FBXO21: variants seen among roughly 807,000 people sequenced by gnomAD.
The protein encoded by FBXO21 is F-box protein 21, also known as F-box only protein 21.
In FBXO21, 32 loss-of-function variants were observed where a neutral mutation model predicts 76.6. The observed-to-expected ratio is 0.42, with a 90% CI of 0.32 to 0.56. The LOEUF (loss-of-function observed/expected upper bound fraction) is 0.56, where lower values mean the gene tolerates loss of function less well. FBXO21 is among the 20% of genes least tolerant of loss of function. The pLI is 0.16. For synonymous variants in FBXO21, 328 were observed against 311.5 expected (o/e 1.05, Z -0.56); for missense variants, 586 against 797.3 (o/e 0.73, Z 3.19).
intron 11 of FBXO21, among the ~76,000 whole-genome samples, chr12:117,146,680 T>C (rs2135840485): frequency 6.6e-6 from 1 of 152,300 alleles, no homozygotes; most frequent in African/African-American, 2.4e-5. Flanking sequence ...CCATGTCACA[T>C]GGTGACAAGT....
At chr12:117,152,025 G>T (rs1011378811) in intron 11 of FBXO21, among the ~76,000 whole-genome samples, 4 of 150,988 alleles carry the variant, frequency 2.6e-5, no homozygotes, top group Non-Finnish European at 5.9e-5. Context: ...CCCCTGATGA[G>T]ACCCAGTGGG....
chr12:117,145,807 A>G lies in FBXO21; in HGVS notation c.*280T>C, dbSNP rs1275471482. 2 of 277,232 alleles carry G rather than the reference A, an allele frequency of 7.2e-6. No homozygotes were observed. Among genetic ancestry groups the G allele is most frequent in the East Asian group, 6.7e-5 (1 of 14,888 alleles). 17.2% of individuals were successfully genotyped at this position (277,232 alleles called of 1,614,324 possible). On this transcript the variant is annotated 3_prime_UTR_variant, in exon 12 of 12. Transcript: ENST00000622495. ...GTCGACTGTGAGACCTCATGAAGAC[A>G]GAATGTCACAAACTGTCACCACAGG...
chr12:117,185,304 T>TAC (rs1163861619), intron 3 of FBXO21, among the ~76,000 whole-genome samples: 4 of 152,176 alleles, frequency 2.6e-5, no homozygotes, highest in Non-Finnish European at 5.9e-5. Context: ...TGACACATCT[T>TAC]ACCTCTACCC....
chr12:117,181,507 G>C (rs552202279), intron 3 of FBXO21, among the ~76,000 whole-genome samples: 13 of 152,108 alleles, frequency 8.5e-5, no homozygotes, highest in Middle Eastern at 3.4e-3. Flanking sequence ...ACTTTTCTCA[G>C]GTACAATGTA....
At chr12:117,154,869 T>C (rs1955892109) in intron 11 of FBXO21, among the ~76,000 whole-genome samples, 1 of 152,184 alleles carries the variant, frequency 6.6e-6, no homozygotes, top group South Asian at 2.1e-4. Flanking sequence ...CATGAGCAGG[T>C]ACAGCATGAT....
chr12:117,145,055 T>C lies in FBXO21; in HGVS notation c.*1032A>G, dbSNP rs995536284. The C allele has an allele frequency of 6.9e-6, 1 of 145,006 alleles. No homozygotes were observed. The highest frequency in any genetic ancestry group is 1.5e-5 in the Non-Finnish European group (1 of 66,478). The allele number at this position is 145,006 out of a possible 1,614,324, so 9.0% of individuals were successfully genotyped here. ...ACAAGAGGTGTGAAACCACTTTTTT[T>C]CCCTTCAAAACCTTTTTTTTTTTTT... On this transcript the variant is annotated 3_prime_UTR_variant, in exon 12 of 12. Transcript: ENST00000622495.
Position 117,168,649 on chromosome 12 carries a change from G to C in FBXO21, c.1014-1572C>G, listed in dbSNP as rs146939335. On this transcript the variant is annotated intron_variant, in intron 7 of 11. Transcript: ENST00000622495. ...TTTTATGAGGCTAGAACTTCCTAAG[G>C]ACAAATGTACAAAAATTTCTAGGCC... 1.9e-4 allele frequency among the ~76,000 whole-genome samples: 29 copies of C among 152,156 alleles called. No individual in the cohort carries two copies. The East Asian group carries it at 5.4e-3, about 28-fold the overall frequency.
Position 117,177,629 on chromosome 12 carries a change from G to A in FBXO21, c.483C>T (p.Thr161=). 1 of 1,611,856 alleles carries A rather than the reference G, an allele frequency of 6.2e-7. No homozygotes were observed. The highest frequency in any genetic ancestry group is 8.5e-7 in the Non-Finnish European group (1 of 1,179,366). The change falls in exon 4 of 12, where the codon ACC becomes ACT. Residue 161 remains threonine (T), a synonymous_variant. Transcript: ENST00000622495. ...GAATTTTTTTTGCGTAGTATTTCCA[G>A]GTCAAAGCTTTTCTGGAAACAAAAA... The part of the protein sequence containing the change: ...ILNMEGRKAL[T]WKYYAKKILY...
chr12:117,190,111 T>G, intron 1 of FBXO21, 107 bp downstream of exon 1: 1 of 458,292 alleles, frequency 2.2e-6, no homozygotes, highest in Non-Finnish European at 2.9e-6. Context: ...GGGTCCGGGG[T>G]GGGGTCCGCG....
chr12:117,178,142 T>A (rs1174318408), intron 3 of FBXO21, among the ~76,000 whole-genome samples: 1 of 152,152 alleles, frequency 6.6e-6, no homozygotes, highest in Non-Finnish European at 1.5e-5. Flanking sequence ...AGCACTTTCA[T>A]CTTTCTTCCC....
At chr12:117,182,407 CT>C (rs1330974903) in intron 3 of FBXO21, among the ~76,000 whole-genome samples, 1 of 151,776 alleles carries the variant, frequency 6.6e-6, no homozygotes, top group African/African-American at 2.4e-5. Context: ...AGAGGATCCC[CT>C]GAACACAGGA....
At chr12:117,189,009 C>T in intron 2 of FBXO21, 3 of 583,802 alleles carry the variant, frequency 5.1e-6, no homozygotes, top group Non-Finnish European at 9.1e-6. Flanking sequence ...CCCACTCTCT[C>T]TCTGGCTTTA....
chr12:117,163,834 C>T (rs1011078578), intron 9 of FBXO21, among the ~76,000 whole-genome samples: 1 of 152,076 alleles, frequency 6.6e-6, no homozygotes, highest in Non-Finnish European at 1.5e-5. Context: ...GTCCCAGCTA[C>T]TCGGTAGGCT....
intron 3 of FBXO21, among the ~76,000 whole-genome samples, chr12:117,177,936 G>T (rs1956190929): frequency 6.6e-6 from 1 of 152,326 alleles, no homozygotes; most frequent in Middle Eastern, 3.4e-3. Context: ...AGGTTCAGAA[G>T]ATGGGGAGGC....
intron 7 of FBXO21, among the ~76,000 whole-genome samples, chr12:117,170,669 T>C (rs1956108894): frequency 6.6e-6 from 1 of 152,182 alleles, no homozygotes; most frequent in Non-Finnish European, 1.5e-5. Flanking sequence ...GGTATTAAAT[T>C]ATTTCATTGT....
intron 1 of FBXO21, 126 bp downstream of exon 1, chr12:117,190,092 C>T (rs1024004965): frequency 6.8e-5 from 23 of 339,272 alleles, no homozygotes; most frequent in Non-Finnish European, 8.4e-5. Flanking sequence ...TCTGTCTGTC[C>T]GCGGGAAGGG....
At chr12:117,188,818 CATTAAT>C (rs1956314943) in intron 2 of FBXO21, 1 of 193,290 alleles carries the variant, frequency 5.2e-6, no homozygotes, top group Non-Finnish European at 1.1e-5. Context: ...AGAAGAACCA[CATTAAT>C]TTCGTCAACC....
chr12:117,166,046 T>C (rs1357714346), intron 8 of FBXO21, among the ~76,000 whole-genome samples: 1 of 151,998 alleles, frequency 6.6e-6, no homozygotes, highest in Non-Finnish European at 1.5e-5. Flanking sequence ...AAAAATTAGC[T>C]GGGCGTGGTG....
chr12:117,156,089 T>C, intron 10 of FBXO21, 141 bp from the exon 11 acceptor site: 1 of 663,848 alleles, frequency 1.5e-6, no homozygotes, highest in Non-Finnish European at 2.6e-6. Flanking sequence ...CCCTAACCCC[T>C]TTTATAAACA....
Sources: allele counts gnomAD v4.1 joint callset (sites outside exome capture counted in the v4.1 genomes callset), GRCh38; gene constraint gnomAD v4.1.1; transcripts MANE v1.5; gene names NCBI Gene and HGNC (gene_info 2026-07-23, HGNC 2026-07-21).